The following COL28A1 variants were observed in gnomAD, a reference collection of about 807,000 sequenced individuals.
COL28A1 encodes the protein collagen type XXVIII alpha 1 chain, also known as collagen alpha-1(XXVIII) chain.
COL28A1 carries 161 observed loss-of-function variants against 150.2 expected under a neutral mutation model. That is an observed-to-expected ratio of 1.07 (90% CI 0.94 to 1.22). The LOEUF (loss-of-function observed/expected upper bound fraction) is 1.22. Among genes scored for constraint, COL28A1 ranks in the 50% most tolerant of loss-of-function variants. The pLI, the probability that COL28A1 is intolerant of heterozygous loss-of-function variation, is 0.00. For missense variants in COL28A1, 1,617 were observed against 1,388.3 expected, an observed-to-expected ratio of 1.16 and a Z score of -2.62; for synonymous variants, 552 against 469.7, an observed-to-expected ratio of 1.18 and a Z score of -2.26.
chr7:7,496,009 A>T (rs941045138), intron 11 of COL28A1, among the ~76,000 whole-genome samples: 3 of 152,018 alleles, frequency 2.0e-5, no homozygotes, highest in Non-Finnish European at 4.4e-5. Context: ...CTGCCACAGG[A>T]TCTTTGCACA....
chr7:7,421,638 G>T (rs1264740643), intron 25 of COL28A1, among the ~76,000 whole-genome samples: 2 of 152,066 alleles, frequency 1.3e-5, no homozygotes, highest in African/African-American at 4.8e-5. Context: ...TGTTCATTCA[G>T]AAAAACAGTC....
intron 27 of COL28A1, among the ~76,000 whole-genome samples, chr7:7,406,463 T>C (rs1783497027): frequency 6.6e-6 from 1 of 152,170 alleles, no homozygotes; most frequent in South Asian, 2.1e-4. Flanking sequence ...AAACACAGCC[T>C]CTGTGCTCAC....
intron 34 of COL28A1, among the ~76,000 whole-genome samples, chr7:7,359,238 C>T (rs1316009961): frequency 6.6e-6 from 1 of 151,784 alleles, no homozygotes; most frequent in Non-Finnish European, 1.5e-5. Flanking sequence ...ACAGAAGGCA[C>T]CACTATGATC....
chr7:7,533,813 C>T (rs1583591492), intron 1 of COL28A1, among the ~76,000 whole-genome samples: 2 of 152,240 alleles, frequency 1.3e-5, no homozygotes, highest in African/African-American at 4.8e-5. Context: ...TGTGTTGCTG[C>T]CTCAGTATAC....
intron 7 of COL28A1, among the ~76,000 whole-genome samples, chr7:7,516,143 T>C (rs1025071222): frequency 2.2e-4 from 33 of 152,244 alleles, no homozygotes; most frequent in African/African-American, 6.8e-4. Context: ...CTGAAAGTCA[T>C]TGTAGAAGTG....
Position 7,525,879 on chromosome 7 carries a change from A to G in COL28A1, c.682-1630T>C, listed in dbSNP as rs368581480. ...ATATAAAAAAGGACAAAGTTTGACT[A>G]CATGATCTCAGGAGCTATAAAACCC... On this transcript the variant is annotated intron_variant, in intron 3 of 34. Coordinates refer to ENST00000399429, the MANE Select transcript of COL28A1 (RefSeq NM_001037763.3). Among the ~76,000 whole-genome samples the G allele has an allele frequency of 2.8e-4, 42 of 152,306 alleles. 1 individual carries two copies. Among genetic ancestry groups the G allele is most frequent in the African/African-American group, 9.4e-4 (39 of 41,568 alleles).
chr7:7,452,884 A>G (rs2128330633), intron 17 of COL28A1, among the ~76,000 whole-genome samples: 1 of 152,366 alleles, frequency 6.6e-6, no homozygotes, highest in African/African-American at 2.4e-5. Context: ...GAATAGTCTC[A>G]GAGAAGTATT....
Position 7,375,754 on chromosome 7 carries a change from T to C in COL28A1, c.2323-257A>G, listed in dbSNP as rs539718531. ...TGCAGCATTTATCAGCTGTGTGACC[T>C]CGGGCATTTGGTGCCCTAACAGTAT... On this transcript the variant is annotated intron_variant, in intron 30 of 34. Transcript: ENST00000399429. 3.3e-5 allele frequency among the ~76,000 whole-genome samples: 5 copies of C among 152,358 alleles called. No homozygotes were observed. The East Asian group carries it at 9.6e-4, about 29-fold the overall frequency.
chr7:7,445,101 G>T (rs1294273863), intron 18 of COL28A1, among the ~76,000 whole-genome samples: 2 of 152,152 alleles, frequency 1.3e-5, no homozygotes, highest in Non-Finnish European at 1.5e-5. Flanking sequence ...CTCCCCAAAA[G>T]TCAAGCAGAT....
chr7:7,361,451 CCCA>C (rs1225566535), intron 33 of COL28A1, among the ~76,000 whole-genome samples: 2 of 152,298 alleles, frequency 1.3e-5, no homozygotes, highest in Non-Finnish European at 2.9e-5. Context: ...AATTTACACT[CCCA>C]CCAACTGTTT....
In COL28A1 at chr7:7,373,762, G is replaced by A. The variant is rs113920721; in HGVS notation, c.2360-216C>T. ...CGCCCAGGTTGGAGTGCAGTGGCGC[G>A]ATCTCGGCTCACTGCAGGCTCCGTC... On this transcript the variant is annotated intron_variant, in intron 31 of 34. Coordinates refer to ENST00000399429, the MANE Select transcript of COL28A1 (RefSeq NM_001037763.3). The surrounding 1 kb of genome is among the most constrained non-coding windows in gnomAD (Gnocchi z 4.1). Among the ~76,000 whole-genome samples, 1 of 150,834 alleles carries A rather than the reference G, an allele frequency of 6.6e-6. No homozygotes were observed. Among genetic ancestry groups the A allele is most frequent in the Non-Finnish European group, 1.5e-5 (1 of 67,784 alleles).
At position 7,522,741 on chromosome 7, in the gene COL28A1, T is replaced by C. The variant is rs112109181; in HGVS notation, c.703-780A>G. ...AATCTTTTGGCTTCCCTGGGCCACATTGGAAGAAGAAGAATTGCCTTGGGC... is the reference window on the plus strand; with the variant it reads ...AATCTTTTGGCTTCCCTGGGCCACACTGGAAGAAGAAGAATTGCCTTGGGC... On this transcript the variant is annotated intron_variant, in intron 4 of 34. Coordinates refer to ENST00000399429, the MANE Select transcript of COL28A1 (RefSeq NM_001037763.3). Among the ~76,000 whole-genome samples the C allele has an allele frequency of 6.2e-3, 877 of 140,988 alleles. 11 individuals are homozygous for C. Among genetic ancestry groups the C allele is most frequent in the African/African-American group, 0.021 (763 of 35,918 alleles). 92.5% of individuals were successfully genotyped at this position (140,988 alleles called of 152,430 possible).
chr7:7,516,723 GTTCTATGCATGACTTT>G (rs554238146), intron 7 of COL28A1, among the ~76,000 whole-genome samples: 3,076 of 152,164 alleles, frequency 0.02, 100 homozygotes, highest in African/African-American at 0.07. Flanking sequence ...ACAAAATTTT[GTTCTATGCATGACTTT>G]TTTATTAATA....
Position 7,517,854 on chromosome 7 carries a change from A to C in COL28A1, c.814-17T>G, listed in dbSNP as rs754443519. ...AGCGTTGCCCTGTGACAAACAAAAA[A>C]CAGTAAAAATTCCACAGCCCTGAAG... is the stretch of plus-strand genomic sequence containing the variant. On this transcript the variant is annotated splice_polypyrimidine_tract_variant and intron_variant, in intron 6 of 34. Coordinates refer to ENST00000399429, the MANE Select transcript of COL28A1 (RefSeq NM_001037763.3). 34 of 1,613,560 alleles carry C rather than the reference A, an allele frequency of 2.1e-5. No individual in the cohort carries two copies. The highest frequency in any genetic ancestry group is 1.6e-4 in the Middle Eastern group (1 of 6,082).
intron 7 of COL28A1, among the ~76,000 whole-genome samples, chr7:7,516,339 A>C (rs563304221): frequency 6.6e-6 from 1 of 152,356 alleles, no homozygotes; most frequent in South Asian, 2.1e-4. Context: ...GGTCTAAGAT[A>C]TATAACATCA....
downstream of COL28A1, among the ~76,000 whole-genome samples, chr7:7,351,513 G>A (rs1224076190): frequency 2.6e-5 from 4 of 152,016 alleles, no homozygotes; most frequent in Admixed American, 2.0e-4. Context: ...CAATAGAGGG[G>A]ACATAGGATT....
chr7:7,520,675 G>A (rs1376857976), intron 5 of COL28A1, among the ~76,000 whole-genome samples: 3 of 152,210 alleles, frequency 2.0e-5, no homozygotes, highest in Non-Finnish European at 4.4e-5. Flanking sequence ...GAGAAATGGT[G>A]TTGGGGGTAC....
intron 34 of COL28A1, 36 bp from the exon 35 acceptor site, chr7:7,358,841 T>C: frequency 1.3e-6 from 2 of 1,546,978 alleles, no homozygotes; most frequent in Non-Finnish European, 1.8e-6. Flanking sequence ...CACGGATTTT[T>C]CTTATACTGA....
At chr7:7,397,919 AAG>A (rs1782937108) in intron 27 of COL28A1, among the ~76,000 whole-genome samples, 1 of 152,190 alleles carries the variant, frequency 6.6e-6, no homozygotes, top group East Asian at 1.9e-4. Flanking sequence ...ACGTAACTAA[AAG>A]GTTAATTGGT....
Sources: allele counts gnomAD v4.1 joint callset (sites outside exome capture counted in the v4.1 genomes callset), GRCh38; gene constraint gnomAD v4.1.1; non-coding constraint Gnocchi (gnomAD v3.1); transcripts MANE v1.5; gene names NCBI Gene and HGNC (gene_info 2026-07-23, HGNC 2026-07-21).